The following NPAS3 variants were observed in gnomAD, a reference collection of about 807,000 sequenced individuals.
NPAS3 encodes the protein neuronal PAS domain protein 3, also known as neuronal PAS domain-containing protein 3.
Under a neutral mutation model 73.1 loss-of-function variants are expected in NPAS3, and 14 were observed. The ratio of observed to expected loss-of-function variants is 0.19; its 90% CI spans 0.13 to 0.30. The LOEUF is 0.30. Among genes scored for constraint, NPAS3 ranks in the 10% least tolerant of loss-of-function variants. NPAS3 has a pLI of 1.00. For synonymous variants in NPAS3, 620 were observed against 541.5 expected (o/e 1.14, Z -2.01); for missense variants, 1,096 against 1,250.0 (o/e 0.88, Z 1.86).
intron 2 of NPAS3, among the ~76,000 whole-genome samples, chr14:33,058,298 C>T (rs2040963313): frequency 6.6e-6 from 1 of 152,146 alleles, no homozygotes; most frequent in East Asian, 1.9e-4. Flanking sequence ...ATTTTAAAAA[C>T]ATTTCTACAT....
intron 3 of NPAS3, among the ~76,000 whole-genome samples, chr14:33,246,555 A>G (rs10150400): frequency 0.036 from 5,210 of 146,298 alleles, 196 homozygotes; most frequent in East Asian, 0.15. Context: ...AAAAAAAAAA[A>G]AAGAAGAACT....
At chr14:33,309,897 C>T (rs2042928513) in intron 3 of NPAS3, among the ~76,000 whole-genome samples, 1 of 152,134 alleles carries the variant, frequency 6.6e-6, no homozygotes, top group East Asian at 1.9e-4. Context: ...CGTGAGAAGT[C>T]CTGGCCCTGC....
intron 2 of NPAS3, among the ~76,000 whole-genome samples, chr14:33,209,010 A>G (rs188944759): frequency 6.6e-6 from 1 of 152,102 alleles, no homozygotes. Flanking sequence ...TAAATTAATG[A>G]TGACAGCTAT....
chr14:33,786,535 C>G (rs1222100155), intron 9 of NPAS3, among the ~76,000 whole-genome samples: 1 of 152,204 alleles, frequency 6.6e-6, no homozygotes, highest in Non-Finnish European at 1.5e-5. Flanking sequence ...AGATTAACTG[C>G]TTCAGTACTT....
At chr14:33,345,941 G>A (rs183824390) in intron 3 of NPAS3, among the ~76,000 whole-genome samples, 3 of 152,254 alleles carry the variant, frequency 2.0e-5, no homozygotes, top group Admixed American at 2.0e-4. Flanking sequence ...ACATAGAAGT[G>A]TTGATTCAGG....
Position 32,988,280 on chromosome 14 carries a change from T to C in NPAS3, c.50+48914T>C, listed in dbSNP as rs115460987. On this transcript the variant is annotated intron_variant, in intron 1 of 11. Coordinates refer to ENST00000356141, the Ensembl canonical transcript of NPAS3. ...TGATTATTTTTGCCCTCTAAGACTG[T>C]GTTTTTTGTATGTCCACAGCAGACT... 3.1e-3 allele frequency among the ~76,000 whole-genome samples: 470 copies of C among 152,292 alleles called. 4 individuals are homozygous for C. The highest frequency in any genetic ancestry group is 0.014 in the South Asian group (68 of 4,822).
chr14:33,393,444 C>T (rs1481716391), intron 4 of NPAS3, among the ~76,000 whole-genome samples: 2 of 152,084 alleles, frequency 1.3e-5, no homozygotes, highest in Admixed American at 6.6e-5. Flanking sequence ...TTCCTTGGAG[C>T]GCTTGCTCCA....
At chr14:33,664,654 TCAAA>T (rs1257088098) in intron 5 of NPAS3, among the ~76,000 whole-genome samples, 1 of 152,072 alleles carries the variant, frequency 6.6e-6, no homozygotes, top group Non-Finnish European at 1.5e-5. Context: ...TACAAGGAAC[TCAAA>T]CAAATTTATA....
At chr14:33,753,063 A>T (rs2062010644) in intron 7 of NPAS3, among the ~76,000 whole-genome samples, 1 of 152,196 alleles carries the variant, frequency 6.6e-6, no homozygotes, top group South Asian at 2.1e-4. Flanking sequence ...GGTACGGCTG[A>T]TTCTTCTTAA....
intron 3 of NPAS3, among the ~76,000 whole-genome samples, chr14:33,317,766 C>T (rs2043269615): frequency 6.6e-6 from 1 of 152,018 alleles, no homozygotes; most frequent in Non-Finnish European, 1.5e-5. Flanking sequence ...AACCTCTTTC[C>T]TTTATGAATT....
intron 5 of NPAS3, among the ~76,000 whole-genome samples, chr14:33,655,702 CT>C (rs753630677): frequency 4.3e-4 from 65 of 152,162 alleles, no homozygotes; most frequent in African/African-American, 1.5e-3. Flanking sequence ...TTGCTTTCGC[CT>C]TGTTGTTGTT....
At chr14:33,379,248 GT>G (rs1200980623) in intron 4 of NPAS3, among the ~76,000 whole-genome samples, 2 of 150,538 alleles carry the variant, frequency 1.3e-5, no homozygotes, top group Non-Finnish European at 3.0e-5. Flanking sequence ...ATTTTACCAA[GT>G]TTTTTGGTAA....
chr14:33,496,828 T>C (rs1467823538), intron 4 of NPAS3, among the ~76,000 whole-genome samples: 2 of 152,094 alleles, frequency 1.3e-5, no homozygotes, highest in South Asian at 4.2e-4. Flanking sequence ...CTATTCAACA[T>C]AGTATTGGAA....
chr14:33,602,774 G>C (rs974760870), intron 5 of NPAS3, among the ~76,000 whole-genome samples: 4 of 152,122 alleles, frequency 2.6e-5, no homozygotes, highest in African/African-American at 4.8e-5. Context: ...GTAGATAATA[G>C]ATGCCACTTA....
At chr14:33,601,784 G>A (rs1293667641) in intron 5 of NPAS3, among the ~76,000 whole-genome samples, 1 of 152,094 alleles carries the variant, frequency 6.6e-6, no homozygotes, top group Non-Finnish European at 1.5e-5. Context: ...ATGTCTTTTA[G>A]CGGTAAATAT....
At chr14:33,562,357 G>A (rs1266164023) in intron 5 of NPAS3, among the ~76,000 whole-genome samples, 5 of 152,174 alleles carry the variant, frequency 3.3e-5, no homozygotes, top group African/African-American at 1.2e-4. Flanking sequence ...CGTACCAGTA[G>A]TCGGCATCTT....
intron 2 of NPAS3, among the ~76,000 whole-genome samples, chr14:33,151,390 G>A (rs990646338): frequency 6.6e-6 from 1 of 152,228 alleles, no homozygotes; most frequent in Admixed American, 6.5e-5. Context: ...AAAAGAACAT[G>A]TAGCCTCTCT....
At chr14:33,691,733 C>T (rs1277834843) in intron 6 of NPAS3, among the ~76,000 whole-genome samples, 4 of 152,146 alleles carry the variant, frequency 2.6e-5, no homozygotes, top group African/African-American at 4.8e-5. Context: ...AAAACCTTCC[C>T]GTTTTTCCAC....
At chr14:33,746,814 T>C (rs1199928862) in intron 7 of NPAS3, among the ~76,000 whole-genome samples, 1 of 152,052 alleles carries the variant, frequency 6.6e-6, no homozygotes, top group African/African-American at 2.4e-5. Context: ...TACATATGTA[T>C]ACATGTGCCA....
Sources: allele counts gnomAD v4.1 joint callset (sites outside exome capture counted in the v4.1 genomes callset), GRCh38; gene constraint gnomAD v4.1.1; transcripts MANE v1.5; gene names NCBI Gene and HGNC (gene_info 2026-07-23, HGNC 2026-07-21).